Variants in TEK observed in about 807,000 individuals in gnomAD.
The protein encoded by TEK is angiopoietin-1 receptor.
TEK carries 43 observed loss-of-function variants against 131.8 expected under a neutral mutation model. The observed-to-expected ratio is 0.33, with a 90% confidence interval of 0.26 to 0.42. The LOEUF (loss-of-function observed/expected upper bound fraction) is 0.42, where lower values mean the gene tolerates loss of function less well. Ranked by LOEUF, TEK falls within the 10% of genes least tolerant of loss-of-function variation. TEK has a pLI of 1.00. For synonymous variants in TEK, 580 were observed against 491.6 expected (o/e 1.18, Z -2.38); for missense variants, 1,162 against 1,384.4 (o/e 0.84, Z 2.55).
intron 11 of TEK, among the ~76,000 whole-genome samples, chr9:27,194,391 A>G (rs573722): frequency 0.44 from 66,781 of 151,984 alleles, 14,988 homozygotes; most frequent in Non-Finnish European, 0.48. Flanking sequence ...CTACTCTGAG[A>G]CTTATAGAAG....
At position 27,182,189 on chromosome 9, in the gene TEK, T is replaced by C. The variant is rs952442981; in HGVS notation, c.1031-1270T>C. Reference sequence around the variant, plus strand: ...CCTTCTGCTGATGCTGCAAAAGGAGTGCATTCTGATGGGAGAATCTAAGAC... The same window carrying C: ...CCTTCTGCTGATGCTGCAAAAGGAGCGCATTCTGATGGGAGAATCTAAGAC... On this transcript the variant is annotated intron_variant, in intron 7 of 22. Coordinates refer to ENST00000380036, the MANE Select transcript of TEK (RefSeq NM_000459.5). Among the ~76,000 whole-genome samples the C allele has an allele frequency of 7.9e-5, 12 of 152,194 alleles. 1 individual carries two copies. The highest frequency in any genetic ancestry group is 7.9e-4 in the Admixed American group (12 of 15,262).
At chr9:27,169,201 G>C (rs150877806) in intron 3 of TEK, among the ~76,000 whole-genome samples, 4 of 152,076 alleles carry the variant, frequency 2.6e-5, no homozygotes, top group African/African-American at 9.7e-5. Context: ...AACTATGTTC[G>C]CCTCTCCCTG....
intron 2 of TEK, among the ~76,000 whole-genome samples, chr9:27,161,365 A>G (rs1230674138): frequency 6.6e-6 from 1 of 152,280 alleles, no homozygotes; most frequent in Non-Finnish European, 1.5e-5. Context: ...TGAAATGGGT[A>G]TAATAATACC....
chr9:27,192,728 T>TGGGGGGGGGGGTGGGGGGGGGGGG, intron 11 of TEK, 105 bp downstream of exon 11: 1 of 161,302 alleles, frequency 6.2e-6, no homozygotes, highest in Non-Finnish European at 1.2e-5. Context: ...AGTGGGTGGG[T>TGGGGGGGGGGGTGGGGGGGGGGGG]GGGGATGGAG....
At chr9:27,149,109 C>T (rs1823036043) in intron 1 of TEK, among the ~76,000 whole-genome samples, 2 of 152,190 alleles carry the variant, frequency 1.3e-5, no homozygotes, top group African/African-American at 2.4e-5. Flanking sequence ...AGGCCAATCT[C>T]ACTCACTCAT....
chr9:27,201,512 G>A (rs919628974), intron 12 of TEK, among the ~76,000 whole-genome samples: 3 of 152,116 alleles, frequency 2.0e-5, no homozygotes, highest in East Asian at 1.9e-4. Context: ...CAAAAGACTT[G>A]GTACTGGATG....
rs756713430 is a variant in TEK at position 27,180,294 on chromosome 9, A to G, written c.956A>G (p.Asn319Ser). 3.7e-6 allele frequency: 6 copies of G among 1,613,802 alleles called. No homozygotes were observed. Among genetic ancestry groups the G allele is most frequent in the Middle Eastern group, 3.3e-4 (2 of 6,080 alleles). The change falls in exon 7 of 23, where the codon AAT (asparagine) becomes AGT (serine). Residue 319 changes from asparagine (N) to serine (S), a missense_variant. Physicochemically the swap from Asn to Ser is conservative, Grantham distance 46 (BLOSUM62 1). Transcript: ENST00000380036. Reference protein sequence around the residue: ...PDCKLRCSCNNGEMCDRFQGC... With the variant: ...PDCKLRCSCNSGEMCDRFQGC... The stretch of plus-strand genomic sequence containing the variant: ...TGTAAGCTTAGGTGCAGCTGCAACA[A>G]TGGGGAGATGTGTGATCGCTTCCAA...
At chr9:27,136,458 CCT>C (rs776803088) in intron 1 of TEK, among the ~76,000 whole-genome samples, 62 of 152,272 alleles carry the variant, frequency 4.1e-4, no homozygotes, top group African/African-American at 7.2e-4. Context: ...CACTCTTATG[CCT>C]CTCTGTTCAA....
chr9:27,113,401 CA>C (rs1821424346), intron 1 of TEK, among the ~76,000 whole-genome samples: 1 of 152,002 alleles, frequency 6.6e-6, no homozygotes, highest in Admixed American at 6.6e-5. Flanking sequence ...CCATCCTAGC[CA>C]ACATGGTGAA....
Position 27,109,585 on chromosome 9 carries a change from G to C in TEK, c.-6G>C. 2.5e-6 allele frequency: 4 copies of C among 1,614,118 alleles called. No homozygotes were observed. Among genetic ancestry groups the C allele is most frequent in the Non-Finnish European group, 3.4e-6 (4 of 1,179,986 alleles). ...GTGGAAACTGGATGGAGAGATTTGGGGAAGCATGGACTCTTTAGCCAGCTT... is the reference window on the plus strand; with the variant it reads ...GTGGAAACTGGATGGAGAGATTTGGCGAAGCATGGACTCTTTAGCCAGCTT... On this transcript the variant is annotated 5_prime_UTR_variant, in exon 1 of 23. Transcript: ENST00000380036.
At chr9:27,215,397 G>A (rs1320367446) in intron 18 of TEK, among the ~76,000 whole-genome samples, 3 of 152,228 alleles carry the variant, frequency 2.0e-5, no homozygotes, top group Non-Finnish European at 1.5e-5. Flanking sequence ...GACACTCCTA[G>A]AGAACACAGT....
chr9:27,145,495 A>G (rs1215478928), intron 1 of TEK, among the ~76,000 whole-genome samples: 2 of 152,352 alleles, frequency 1.3e-5, no homozygotes, highest in African/African-American at 4.8e-5. Context: ...TACTTGATCA[A>G]ACTGGCTTTG....
At chr9:27,198,066 A>C (rs569659420) in intron 12 of TEK, among the ~76,000 whole-genome samples, 93 of 151,104 alleles carry the variant, frequency 6.2e-4, no homozygotes, top group Non-Finnish European at 8.4e-4. Context: ...TTTTTTTTCC[A>C]AAGTATTTTG....
intron 17 of TEK, 148 bp downstream of exon 17, chr9:27,213,045 C>T (rs779203605): frequency 6.6e-5 from 54 of 823,570 alleles, no homozygotes; most frequent in African/African-American, 3.5e-5. Flanking sequence ...AATAGTCCAT[C>T]TATTTAAAGA....
chr9:27,221,752 A>C (rs1201313091), intron 21 of TEK, among the ~76,000 whole-genome samples: 1 of 152,084 alleles, frequency 6.6e-6, no homozygotes, highest in Admixed American at 6.6e-5. Context: ...CCAAAACCTC[A>C]TCTGAAGGTA....
intron 5 of TEK, 119 bp from the exon 6 acceptor site, chr9:27,173,103 A>G: frequency 7.6e-7 from 1 of 1,323,724 alleles, no homozygotes; most frequent in Non-Finnish European, 1.1e-6. Flanking sequence ...CTACCATGCC[A>G]CAGCTGAGAT....
At chr9:27,112,585 A>C (rs185418632) in intron 1 of TEK, among the ~76,000 whole-genome samples, 65 of 152,308 alleles carry the variant, frequency 4.3e-4, no homozygotes, top group African/African-American at 1.5e-3. Context: ...TCAAAAGACT[A>C]TGTGATGTTC....
intron 21 of TEK, among the ~76,000 whole-genome samples, chr9:27,221,491 C>T (rs1476644416): frequency 6.6e-6 from 1 of 151,800 alleles, no homozygotes; most frequent in African/African-American, 2.4e-5. Flanking sequence ...GGAGACATCT[C>T]CCAGTAGGGG....
At chr9:27,194,519 T>A (rs925314724) in intron 11 of TEK, among the ~76,000 whole-genome samples, 1 of 152,190 alleles carries the variant, frequency 6.6e-6, no homozygotes, top group African/African-American at 2.4e-5. Context: ...ACCCAAGGGA[T>A]CCCTGATATG....
Sources: allele counts gnomAD v4.1 joint callset (sites outside exome capture counted in the v4.1 genomes callset), GRCh38; gene constraint gnomAD v4.1.1; transcripts MANE v1.5; gene names NCBI Gene and HGNC (gene_info 2026-07-23, HGNC 2026-07-21).